The following BMAL2 variants were observed in gnomAD, a reference collection of about 807,000 sequenced individuals.
BMAL2 encodes the protein basic helix-loop-helix ARNT like 2.
At chr12:27,333,603 GC>G in the BMAL2 span, among the ~76,000 whole-genome samples, 5 of 152,218 alleles carry the variant, frequency 3.3e-5, no homozygotes, top group Non-Finnish European at 7.3e-5. Context: ...GATAATACTC[GC>G]GGCTTCCCGG....
At chr12:27,376,493 A>G in the BMAL2 span, 4 of 936,080 alleles carry the variant, frequency 4.3e-6, no homozygotes, top group Admixed American at 4.6e-5. Flanking sequence ...CTTGAAGATG[A>G]GGCTTTTCTC....
At chr12:27,339,423 C>T in the BMAL2 span, among the ~76,000 whole-genome samples, 1 of 152,082 alleles carries the variant, frequency 6.6e-6, no homozygotes, top group African/African-American at 2.4e-5. Flanking sequence ...ATGAAATATG[C>T]ATGCATCTTT....
the BMAL2 span, among the ~76,000 whole-genome samples, chr12:27,403,178 T>C: frequency 6.6e-6 from 1 of 152,148 alleles, no homozygotes; most frequent in African/African-American, 2.4e-5. Flanking sequence ...TAGGAAACAT[T>C]GAAGTAGTAT....
At chr12:27,363,915 G>A in the BMAL2 span, among the ~76,000 whole-genome samples, 1 of 151,914 alleles carries the variant, frequency 6.6e-6, no homozygotes, top group South Asian at 2.1e-4. Context: ...AGTTTTCTTA[G>A]TCCATTGATG....
the BMAL2 span, among the ~76,000 whole-genome samples, chr12:27,383,083 G>A: frequency 2.0e-5 from 3 of 152,174 alleles, no homozygotes; most frequent in Admixed American, 6.5e-5. Context: ...ATTACCAGGC[G>A]GGGCAGTGAA....
At chr12:27,353,001 G>A in the BMAL2 span, among the ~76,000 whole-genome samples, 1 of 152,082 alleles carries the variant, frequency 6.6e-6, no homozygotes, top group Non-Finnish European at 1.5e-5. Flanking sequence ...TGGCTATACT[G>A]CCCAAAGTGG....
chr12:27,379,595 G>T, the BMAL2 span, among the ~76,000 whole-genome samples: 1 of 152,258 alleles, frequency 6.6e-6, no homozygotes, highest in Non-Finnish European at 1.5e-5. Context: ...AGCAGTGTCA[G>T]ATTCAAGGCA....
the BMAL2 span, among the ~76,000 whole-genome samples, chr12:27,337,152 C>G: frequency 6.6e-6 from 1 of 151,894 alleles, no homozygotes; most frequent in African/African-American, 2.4e-5. Context: ...GGTACCATTA[C>G]AGCGAGATTA....
At chr12:27,363,437 A>G in the BMAL2 span, among the ~76,000 whole-genome samples, 3 of 152,332 alleles carry the variant, frequency 2.0e-5, no homozygotes, top group Admixed American at 2.0e-4. Context: ...CATGCTTGCC[A>G]GCAGAGCATG....
the BMAL2 span, among the ~76,000 whole-genome samples, chr12:27,397,757 C>T: frequency 6.6e-6 from 1 of 152,202 alleles, no homozygotes; most frequent in East Asian, 1.9e-4. Flanking sequence ...GTTGTGAAAT[C>T]GCAGGCTGAT....
chr12:27,359,026 G>A, the BMAL2 span, among the ~76,000 whole-genome samples: 18 of 151,564 alleles, frequency 1.2e-4, no homozygotes, highest in Non-Finnish European at 2.5e-4. Flanking sequence ...TTTGGTTTCC[G>A]TTGTAACGCA....
At chr12:27,339,780 A>G in the BMAL2 span, among the ~76,000 whole-genome samples, 4 of 152,144 alleles carry the variant, frequency 2.6e-5, no homozygotes, top group Non-Finnish European at 5.9e-5. Flanking sequence ...GCACGCCGCC[A>G]TAATAGCCAT....
At chr12:27,410,640 A>C in the BMAL2 span, among the ~76,000 whole-genome samples, 2 of 152,292 alleles carry the variant, frequency 1.3e-5, no homozygotes, top group Non-Finnish European at 2.9e-5. Context: ...GATATACCTA[A>C]TGTTAAATGA....
At chr12:27,368,306 T>G in the BMAL2 span, 1 of 1,614,188 alleles carries the variant, frequency 6.2e-7, no homozygotes, top group Non-Finnish European at 8.5e-7. Context: ...TCCTGTGGTT[T>G]CCAGCCGCGT....
the BMAL2 span, among the ~76,000 whole-genome samples, chr12:27,380,741 G>A: frequency 3.6e-3 from 544 of 152,274 alleles, 2 homozygotes; most frequent in African/African-American, 0.013. Flanking sequence ...TGGGCGTGGT[G>A]GCTCATGCTT....
At chr12:27,391,413 G>T in the BMAL2 span, among the ~76,000 whole-genome samples, 2 of 152,080 alleles carry the variant, frequency 1.3e-5, no homozygotes, top group African/African-American at 4.8e-5. Flanking sequence ...TGATTCATAC[G>T]TAGCCCACTT....
chr12:27,402,549 C>G, the BMAL2 span: 14 of 1,255,464 alleles, frequency 1.1e-5, no homozygotes, highest in African/African-American at 2.0e-4. Flanking sequence ...ATATACAGAT[C>G]TTAGTGTAGT....
At chr12:27,386,450 C>T in the BMAL2 span, among the ~76,000 whole-genome samples, 1 of 152,124 alleles carries the variant, frequency 6.6e-6, no homozygotes, top group African/African-American at 2.4e-5. Context: ...ATGAGAGTAG[C>T]TGACACATTA....
the BMAL2 span, among the ~76,000 whole-genome samples, chr12:27,413,021 A>G: frequency 2.6e-5 from 4 of 152,034 alleles, no homozygotes; most frequent in African/African-American, 9.7e-5. Flanking sequence ...AAAGCCAAAC[A>G]AGAATACTAC....
Sources: gnomAD v4.1 joint callset for allele counts (sites outside exome capture counted in the v4.1 genomes callset) on GRCh38, gnomAD v4.1.1 for gene constraint, MANE v1.5 for transcripts, NCBI Gene and HGNC (gene_info 2026-07-23, HGNC 2026-07-21) for gene names.